The following SLC19A1 variants were observed in gnomAD, a reference collection of about 807,000 sequenced individuals.
The protein encoded by SLC19A1 is solute carrier family 19 member 1, also known as reduced folate transporter.
SLC19A1 carries 37 observed loss-of-function variants against 35.3 expected under a neutral mutation model. The ratio of observed to expected loss-of-function variants is 1.05; its 90% CI spans 0.81 to 1.38. The LOEUF (loss-of-function observed/expected upper bound fraction) is 1.38. Ranked by LOEUF, SLC19A1 falls within the 40% of genes most tolerant of loss-of-function variation. The pLI, the probability that SLC19A1 is intolerant of heterozygous loss-of-function variation, is 0.00. For synonymous variants in SLC19A1, 460 were observed against 398.5 expected, an observed-to-expected ratio of 1.15 and a Z score of -1.84; for missense variants, 831 against 826.9, an observed-to-expected ratio of 1.00 and a Z score of -0.06.
intron 5 of SLC19A1, among the ~76,000 whole-genome samples, chr21:45,516,592 G>A (rs2037958819): frequency 6.6e-6 from 1 of 152,242 alleles, no homozygotes; most frequent in South Asian, 2.1e-4. Context: ...GCAACCCCCA[G>A]CAGCCTGCAC....
At chr21:45,547,412 A>G (rs1041324310), upstream of SLC19A1, among the ~76,000 whole-genome samples, 1 of 151,950 alleles carries the variant, frequency 6.6e-6, no homozygotes, top group African/African-American at 2.4e-5. Context: ...ATTATACCTG[A>G]CCCCCTTTTG....
chr21:45,510,985 C>CCT, downstream of SLC19A1: 18 of 45,356 alleles, frequency 4.0e-4, 7 homozygotes, highest in South Asian at 1.1e-3. Flanking sequence ...ACCCCCCACA[C>CCT]CCCACACACA....
intron 1 of SLC19A1, among the ~76,000 whole-genome samples, chr21:45,539,365 CG>C (rs2078233710): frequency 6.6e-6 from 1 of 152,214 alleles, no homozygotes; most frequent in African/African-American, 2.4e-5. Context: ...CCTTGTGGGG[CG>C]GGGTCGCCGT....
chr21:45,512,469 G>T (rs8199), downstream of SLC19A1: 14 of 1,483,644 alleles, frequency 9.4e-6, no homozygotes, highest in Non-Finnish European at 9.2e-7. Context: ...GGCAGGGAGC[G>T]GCCGGCCAGC....
At chr21:45,526,246 G>A (rs937489530) in intron 4 of SLC19A1, among the ~76,000 whole-genome samples, 2 of 152,244 alleles carry the variant, frequency 1.3e-5, no homozygotes, top group Non-Finnish European at 2.9e-5. Flanking sequence ...GGGGCCAGTA[G>A]TTTTGGATTT....
rs2146450859 is a variant in SLC19A1 at position 45,540,540 on chromosome 21, C to T, written c.-50+1828G>A. Among the ~76,000 whole-genome samples, 1 of 152,338 alleles carries T rather than the reference C, an allele frequency of 6.6e-6. No individual in the cohort carries two copies. The highest frequency in any genetic ancestry group is 2.4e-5 in the African/African-American group (1 of 41,568). On this transcript the variant is annotated intron_variant, in intron 1 of 5. Transcript: ENST00000311124. This position sits in a 1 kb window ranked among gnomAD's most constrained non-coding sequence, Gnocchi z 5.5. ...GCTGCTGCTGGTCTTAACAGTCAGC[C>T]TCTGCTGCCAGCATACTCAACTTAT... is the stretch of plus-strand genomic sequence containing the variant.
intron 1 of SLC19A1, among the ~76,000 whole-genome samples, chr21:45,556,871 G>T (rs2078567541): frequency 6.6e-6 from 1 of 152,220 alleles, no homozygotes; most frequent in South Asian, 2.1e-4. Flanking sequence ...ACAGCAACCG[G>T]CCTGCACGTG....
Position 45,528,729 on chromosome 21 carries a change from T to C in SLC19A1, c.1151+2041A>G, listed in dbSNP as rs530311653. On this transcript the variant is annotated intron_variant, in intron 4 of 5. Transcript: ENST00000311124. Reference sequence around the variant, plus strand: ...CAGTGTTTTCCTCGTGTAAGAAAAATGGAAATGGTGACTTTACCCATAGAC... The same window carrying C: ...CAGTGTTTTCCTCGTGTAAGAAAAACGGAAATGGTGACTTTACCCATAGAC... Among the ~76,000 whole-genome samples, 3 of 152,108 alleles carry C rather than the reference T, an allele frequency of 2.0e-5. No individual in the cohort carries two copies. The East Asian group carries it at 5.8e-4, about 29-fold the overall frequency.
downstream of SLC19A1, among the ~76,000 whole-genome samples, chr21:45,507,753 C>T (rs2146104149): frequency 6.6e-6 from 1 of 152,330 alleles, no homozygotes; most frequent in East Asian, 1.9e-4. Flanking sequence ...CAGGACACCC[C>T]ACTACCTCTG....
At chr21:45,506,430 C>G (rs551956525) in intron 3 of SLC19A1, 1 of 299,390 alleles carries the variant, frequency 3.3e-6, no homozygotes, top group African/African-American at 2.2e-5. Context: ...CTCTGCTTAG[C>G]ACGGGCCTTG....
upstream of SLC19A1, among the ~76,000 whole-genome samples, chr21:45,545,944 A>G (rs1042283191): frequency 1.1e-4 from 17 of 152,316 alleles, no homozygotes; most frequent in African/African-American, 4.1e-4. Flanking sequence ...TCTCTGCTGC[A>G]GCTGCCCCTC....
Position 45,515,634 on chromosome 21 carries a change from A to G in SLC19A1, c.*24T>C, listed in dbSNP as rs2037875141. ...GGGATGCACTGAGGGCCGCCTGCAA[A>G]GTTACCACAGGGGCGCCCGAGAGTC... On this transcript the variant is annotated 3_prime_UTR_variant, in exon 6 of 6. Coordinates refer to ENST00000311124, the MANE Select transcript of SLC19A1 (RefSeq NM_194255.4). 1.2e-6 allele frequency: 2 copies of G among 1,612,648 alleles called. No homozygotes were observed. The highest frequency in any genetic ancestry group is 1.7e-6 in the Non-Finnish European group (2 of 1,179,950).
chr21:45,505,545 C>A (rs563833094), intron 3 of SLC19A1: 13 of 713,590 alleles, frequency 1.8e-5, no homozygotes, highest in African/African-American at 1.1e-4. Context: ...ATACAGGAGG[C>A]CAAGATGCGG....
In SLC19A1 at chr21:45,517,362, C is replaced by T. The variant is rs1231864963; in HGVS notation, c.1294-1222G>A. Among the ~76,000 whole-genome samples, 2 of 152,080 alleles carry T rather than the reference C, an allele frequency of 1.3e-5. No homozygotes were observed. The highest frequency in any genetic ancestry group is 2.9e-5 in the Non-Finnish European group (2 of 67,996). ...TCCACCCACCATGTCAGCAAGGACC[C>T]CCCACCCTCGCCAGCCTGTAACAAG... On this transcript the variant is annotated intron_variant, in intron 5 of 5. Coordinates refer to ENST00000311124, the MANE Select transcript of SLC19A1 (RefSeq NM_194255.4). This position sits in a 1 kb window ranked among gnomAD's most constrained non-coding sequence, Gnocchi z 4.4.
Position 45,520,668 on chromosome 21 carries a change from G to A in SLC19A1, c.1294-4528C>T, listed in dbSNP as rs780494571. On this transcript the variant is annotated intron_variant, in intron 5 of 5. Transcript: ENST00000311124. ...ACAGGGCCTTTCAAAAGGTAATTAC[G>A]GTTAAATGAGGTCACAAGGATGGCA... Among the ~76,000 whole-genome samples the A allele has an allele frequency of 7.9e-5, 12 of 152,158 alleles. 1 individual carries two copies. The highest frequency in any genetic ancestry group is 2.1e-4 in the South Asian group (1 of 4,830).
At chr21:45,550,346 C>G (rs2078453205) in intron 1 of SLC19A1, among the ~76,000 whole-genome samples, 1 of 152,182 alleles carries the variant, frequency 6.6e-6, no homozygotes, top group Admixed American at 6.5e-5. Context: ...ACAGACACCT[C>G]AGGCCCTCGT....
chr21:45,507,710 G>C, downstream of SLC19A1: 2 of 969,194 alleles, frequency 2.1e-6, no homozygotes, highest in Non-Finnish European at 3.2e-6. Flanking sequence ...TGAACATGTG[G>C]CTCACCATCA....
chr21:45,561,797 T>G (rs1002779434), intron 1 of SLC19A1, among the ~76,000 whole-genome samples: 1 of 150,588 alleles, frequency 6.6e-6, no homozygotes, highest in African/African-American at 2.4e-5. Context: ...AATTAAAAAA[T>G]TAAATAAAAA....
In SLC19A1 at chr21:45,515,142, A is replaced by G; in HGVS notation, c.*516T>C. The G allele has an allele frequency of 1.3e-6, 2 of 1,533,240 alleles. No individual in the cohort carries two copies. The highest frequency in any genetic ancestry group is 1.2e-5 in the South Asian group (1 of 80,750). 95.0% of individuals were successfully genotyped at this position (1,533,240 alleles called of 1,614,324 possible). A position where few individuals can be genotyped will look rare whatever the true frequency, so the allele number is the denominator to read the frequency against. On this transcript the variant is annotated 3_prime_UTR_variant, in exon 6 of 6. Coordinates refer to ENST00000311124, the MANE Select transcript of SLC19A1 (RefSeq NM_194255.4). ...CCACAGAGACAGAGAAGCCACATGC[A>G]GTTCTTCATTCTACGTCAGTTAAAA...
Sources: gnomAD v4.1 joint callset for allele counts (sites outside exome capture counted in the v4.1 genomes callset) on GRCh38, gnomAD v4.1.1 for gene constraint, Gnocchi (gnomAD v3.1) non-coding constraint, MANE v1.5 for transcripts, NCBI Gene and HGNC (gene_info 2026-07-23, HGNC 2026-07-21) for gene names.